The following LUC7L2 variants were observed in gnomAD, a reference collection of about 807,000 sequenced individuals.
The protein encoded by LUC7L2 is putative RNA-binding protein Luc7-like 2.
In LUC7L2, 25 loss-of-function variants were observed where a neutral mutation model predicts 52.8. The observed-to-expected ratio is 0.47, with a 90% CI of 0.34 to 0.66. The LOEUF (loss-of-function observed/expected upper bound fraction) is 0.66. LUC7L2 is among the 30% of genes least tolerant of loss of function. The pLI, the probability that LUC7L2 is intolerant of heterozygous loss-of-function variation, is 0.01. For synonymous variants in LUC7L2, 144 were observed against 160.9 expected (o/e 0.89, Z 0.80); for missense variants, 328 against 497.8 (o/e 0.66, Z 3.25).
chr7:139,358,853 A>G (rs1283394280), upstream of LUC7L2, among the ~76,000 whole-genome samples: 1 of 151,814 alleles, frequency 6.6e-6, no homozygotes, highest in African/African-American at 2.4e-5. Flanking sequence ...GCTAATTTTT[A>G]TATTTTTAGT....
intron 8 of LUC7L2, among the ~76,000 whole-genome samples, chr7:139,414,556 C>G (rs1479229772): frequency 6.6e-6 from 1 of 152,236 alleles, no homozygotes; most frequent in African/African-American, 2.4e-5. Flanking sequence ...TTAATAGCTT[C>G]TCATTACATT....
intron 1 of LUC7L2, chr7:139,341,557 G>A (rs1221998218): frequency 6.3e-7 from 1 of 1,599,056 alleles, no homozygotes; most frequent in South Asian, 1.1e-5. Flanking sequence ...TCTACGTGCT[G>A]GGGAGGGAGG....
At position 139,422,479 on chromosome 7, in the gene LUC7L2, TCTGAA is replaced by T. The variant is rs1400208848; in HGVS notation, c.*146_*150del. The T allele has an allele frequency of 1.9e-5, 26 of 1,394,464 alleles. No homozygotes were observed. Among genetic ancestry groups the T allele is most frequent in the Non-Finnish European group, 2.2e-5 (24 of 1,074,180 alleles). 86.4% of individuals were successfully genotyped at this position (1,394,464 alleles called of 1,614,324 possible). The stretch of plus-strand genomic sequence containing the variant: ...GCTAGATGTACAGTATCTAACTTGA[TCTGAA>T]CTGAACCTGTTTTCCTTGATGATGC... On this transcript the variant is annotated 3_prime_UTR_variant, in exon 10 of 10. Coordinates refer to ENST00000354926, the MANE Select transcript of LUC7L2 (RefSeq NM_016019.5).
chr7:139,341,433 G>A, intron 1 of LUC7L2: 7 of 1,613,554 alleles, frequency 4.3e-6, no homozygotes, highest in Non-Finnish European at 5.9e-6. Context: ...ACTTCTGCGG[G>A]AGTTGCGCTA....
At chr7:139,418,638 ATCAC>A (rs1444917827) in intron 9 of LUC7L2, among the ~76,000 whole-genome samples, 1 of 152,184 alleles carries the variant, frequency 6.6e-6, no homozygotes, top group Non-Finnish European at 1.5e-5. Context: ...ATTCCCTGAA[ATCAC>A]TCACAAGCTG....
chr7:139,356,019 A>G (rs139418382), upstream of LUC7L2, among the ~76,000 whole-genome samples: 165 of 152,220 alleles, frequency 1.1e-3, 1 homozygote, highest in East Asian at 0.027. Context: ...GCCCAAAGAA[A>G]ATAACCACTG....
In LUC7L2 at chr7:139,405,544, G is replaced by A; in HGVS notation, c.367-100G>A. 2.2e-6 allele frequency: 3 copies of A among 1,393,010 alleles called. No individual in the cohort carries two copies. The South Asian group carries it at 4.7e-5, about 22-fold the overall frequency. The allele number at this position is 1,393,010 out of a possible 1,614,324, so 86.3% of individuals were successfully genotyped here. On this transcript the variant is annotated intron_variant, in intron 4 of 9. Transcript: ENST00000354926. ...AGAAAGCATTCTTTAACCACATACTGCCTTAGATAACAAGTTTTTTCTCAG... is the reference window on the plus strand; with the variant it reads ...AGAAAGCATTCTTTAACCACATACTACCTTAGATAACAAGTTTTTTCTCAG...
chr7:139,360,092 G>C lies in LUC7L2; in HGVS notation c.-170G>C, dbSNP rs1033419667. The C allele has an allele frequency of 7.2e-6, 4 of 558,128 alleles. No individual in the cohort carries two copies. The highest frequency in any genetic ancestry group is 6.0e-5 in the African/African-American group (3 of 50,338). 34.6% of individuals were successfully genotyped at this position (558,128 alleles called of 1,614,324 possible). ...CCACGTACACGTCGTCGTGAGGAGCGCAGTCCGGACTCTTCCCGCAACCCC... is the reference window on the plus strand; with the variant it reads ...CCACGTACACGTCGTCGTGAGGAGCCCAGTCCGGACTCTTCCCGCAACCCC... On this transcript the variant is annotated 5_prime_UTR_variant, in exon 1 of 10. Coordinates refer to ENST00000354926, the MANE Select transcript of LUC7L2 (RefSeq NM_016019.5).
chr7:139,404,997 A>G (rs1298993070), intron 4 of LUC7L2, among the ~76,000 whole-genome samples: 1 of 152,240 alleles, frequency 6.6e-6, no homozygotes, highest in Non-Finnish European at 1.5e-5. Flanking sequence ...TGAGCACTAG[A>G]GATACAAAGA....
At chr7:139,400,592 T>G (rs1794866628) in intron 3 of LUC7L2, among the ~76,000 whole-genome samples, 1 of 152,180 alleles carries the variant, frequency 6.6e-6, no homozygotes, top group African/African-American at 2.4e-5. Context: ...CTCCTGTGGT[T>G]TCTTCTGGCA....
At chr7:139,367,906 A>G (rs1800247389) in intron 1 of LUC7L2, among the ~76,000 whole-genome samples, 1 of 152,210 alleles carries the variant, frequency 6.6e-6, no homozygotes, top group South Asian at 2.1e-4. Flanking sequence ...GGCTGTGGGA[A>G]AAGCTGCTTA....
At chr7:139,341,802 G>C (rs1185381950) in intron 1 of LUC7L2, among the ~76,000 whole-genome samples, 1 of 152,184 alleles carries the variant, frequency 6.6e-6, no homozygotes, top group Admixed American at 6.5e-5. Flanking sequence ...TGGCTGGTCT[G>C]TTGCCTCTGC....
At chr7:139,384,344 C>T (rs1435576277) in intron 2 of LUC7L2, among the ~76,000 whole-genome samples, 1 of 151,064 alleles carries the variant, frequency 6.6e-6, no homozygotes, top group Non-Finnish European at 1.5e-5. Context: ...TGGCTCACTG[C>T]AACCTCTGCC....
intron 1 of LUC7L2, among the ~76,000 whole-genome samples, chr7:139,369,960 C>T (rs6954531): frequency 0.39 from 58,628 of 152,144 alleles, 15,792 homozygotes; most frequent in African/African-American, 0.77. Flanking sequence ...TTATTAGGAA[C>T]GACTTGATGT....
Position 139,423,041 on chromosome 7 carries a change from G to A in LUC7L2, c.*701G>A, listed in dbSNP as rs2116369319. ...ATGTTCAGGATGTTCTAGGGGGTGG[G>A]GGCAGGGACTCTTTTCGTAATAAGC... is the stretch of plus-strand genomic sequence containing the variant. On this transcript the variant is annotated 3_prime_UTR_variant, in exon 10 of 10. Coordinates refer to ENST00000354926, the MANE Select transcript of LUC7L2 (RefSeq NM_016019.5). 5.0e-6 allele frequency: 2 copies of A among 398,736 alleles called. No individual in the cohort carries two copies. Among genetic ancestry groups the A allele is most frequent in the Middle Eastern group, 6.3e-4 (1 of 1,588 alleles). 24.7% of individuals were successfully genotyped at this position (398,736 alleles called of 1,614,324 possible). A position where few individuals can be genotyped will look rare whatever the true frequency, so the allele number is the denominator to read the frequency against.
intron 1 of LUC7L2, chr7:139,341,497 T>C: frequency 6.2e-7 from 1 of 1,613,634 alleles, no homozygotes; most frequent in South Asian, 1.1e-5. Context: ...TATCGGTACC[T>C]TGTGAAGGCT....
At chr7:139,396,461 A>G (rs1485516666) in intron 2 of LUC7L2, among the ~76,000 whole-genome samples, 1 of 152,146 alleles carries the variant, frequency 6.6e-6, no homozygotes, top group Non-Finnish European at 1.5e-5. Flanking sequence ...AAGAAAAAGT[A>G]TTCAGAGAGT....
chr7:139,395,748 C>T (rs1937751967), intron 2 of LUC7L2, among the ~76,000 whole-genome samples: 1 of 152,116 alleles, frequency 6.6e-6, no homozygotes, highest in African/African-American at 2.4e-5. Context: ...TCAAGTGATC[C>T]CCCTGCCTCT....
intron 9 of LUC7L2, among the ~76,000 whole-genome samples, chr7:139,418,331 C>G (rs906465101): frequency 6.6e-6 from 1 of 152,130 alleles, no homozygotes; most frequent in Non-Finnish European, 1.5e-5. Context: ...TAAGGATAGA[C>G]AAAGGATTAT....
Sources: allele counts gnomAD v4.1 joint callset (sites outside exome capture counted in the v4.1 genomes callset), GRCh38; gene constraint gnomAD v4.1.1; transcripts MANE v1.5; gene names NCBI Gene and HGNC (gene_info 2026-07-23, HGNC 2026-07-21).